ANKH: variants seen among roughly 807,000 people sequenced by gnomAD.
ANKH encodes ANKH inorganic pyrophosphate transport regulator.
ANKH carries 15 observed loss-of-function variants against 49.0 expected under a neutral mutation model. The observed-to-expected ratio is 0.31, with a 90% CI of 0.20 to 0.47. ANKH has a LOEUF of 0.47. ANKH is among the 20% of genes least tolerant of loss of function. The pLI is 1.00. For synonymous variants in ANKH, 273 were observed against 260.0 expected (o/e 1.05, Z -0.48); for missense variants, 429 against 652.0 (o/e 0.66, Z 3.72).
At chr5:14,760,024 G>A (rs1204707875) in intron 2 of ANKH, among the ~76,000 whole-genome samples, 3 of 152,176 alleles carry the variant, frequency 2.0e-5, no homozygotes, top group Non-Finnish European at 2.9e-5. Flanking sequence ...AAGCTGGAAT[G>A]ACTACGATCT....
intron 1 of ANKH, among the ~76,000 whole-genome samples, chr5:14,854,591 A>T (rs1742204841): frequency 6.6e-6 from 1 of 152,126 alleles, no homozygotes; most frequent in Non-Finnish European, 1.5e-5. Context: ...GGTCCCAGCT[A>T]CTCTGGAGGC....
At chr5:14,712,851 G>T (rs1737281342) in intron 11 of ANKH, 23 bp downstream of exon 11, 6 of 1,578,642 alleles carry the variant, frequency 3.8e-6, no homozygotes, top group Non-Finnish European at 4.3e-6. Context: ...CCCGGGAGGA[G>T]GCTCCCGGCG....
In ANKH at chr5:14,745,591, C is replaced by T. The variant is rs937070098; in HGVS notation, c.915+279G>A. Among the ~76,000 whole-genome samples the T allele has an allele frequency of 6.6e-6, 1 of 152,236 alleles. No homozygotes were observed. The highest frequency in any genetic ancestry group is 1.5e-5 in the Non-Finnish European group (1 of 68,046). The stretch of plus-strand genomic sequence containing the variant: ...ATTGATTTTGGGGGAAGTTTATTTT[C>T]CCTTTCGCAAACAAATCATTTCTCA... On this transcript the variant is annotated intron_variant, in intron 7 of 11. Coordinates refer to ENST00000284268, the MANE Select transcript of ANKH (RefSeq NM_054027.6). This position sits in a 1 kb window ranked among gnomAD's most constrained non-coding sequence, Gnocchi z 4.7.
At chr5:14,840,109 T>C (rs1741776066) in intron 1 of ANKH, among the ~76,000 whole-genome samples, 1 of 152,202 alleles carries the variant, frequency 6.6e-6, no homozygotes, top group Non-Finnish European at 1.5e-5. Context: ...GCTCTTGCCT[T>C]ATAAAGGATG....
intron 1 of ANKH, among the ~76,000 whole-genome samples, chr5:14,788,885 G>A (rs961516106): frequency 1.3e-5 from 2 of 152,200 alleles, no homozygotes; most frequent in African/African-American, 4.8e-5. Context: ...AAAGAAAAAG[G>A]TGCTTCACAT....
At chr5:14,823,180 T>C (rs1014697297) in intron 1 of ANKH, among the ~76,000 whole-genome samples, 10 of 152,218 alleles carry the variant, frequency 6.6e-5, no homozygotes, top group Admixed American at 2.6e-4. Flanking sequence ...ATGGGAAAAG[T>C]GTGAACTTCA....
chr5:14,750,793 C>T (rs1253878327), intron 5 of ANKH, among the ~76,000 whole-genome samples: 4 of 152,162 alleles, frequency 2.6e-5, no homozygotes, highest in Admixed American at 2.6e-4. Context: ...CCATGAATGT[C>T]GTATCTATTC....
chr5:14,711,860 C>T (rs1737223020), intron 11 of ANKH, among the ~76,000 whole-genome samples: 1 of 151,960 alleles, frequency 6.6e-6, no homozygotes, highest in Non-Finnish European at 1.5e-5. Flanking sequence ...CAGCCCCAGC[C>T]CCACCTCAGC....
At chr5:14,727,160 C>T (rs758530194) in intron 8 of ANKH, among the ~76,000 whole-genome samples, 13 of 152,048 alleles carry the variant, frequency 8.5e-5, no homozygotes, top group Non-Finnish European at 1.6e-4. Flanking sequence ...AGAAACAGAG[C>T]TTGGTTTTCT....
intron 1 of ANKH, among the ~76,000 whole-genome samples, chr5:14,815,550 G>A (rs1456850323): frequency 2.0e-5 from 3 of 152,126 alleles, no homozygotes; most frequent in Non-Finnish European, 4.4e-5. Context: ...GGTTTCCAGG[G>A]AACCCCATGG....
intron 1 of ANKH, chr5:14,797,881 G>A (rs559664884): frequency 2.1e-5 from 34 of 1,612,020 alleles, no homozygotes; most frequent in Middle Eastern, 2.0e-4. Flanking sequence ...TGATGTCCAC[G>A]GAGACGCAAG....
chr5:14,815,134 T>C (rs954552827), intron 1 of ANKH, among the ~76,000 whole-genome samples: 1 of 152,166 alleles, frequency 6.6e-6, no homozygotes, highest in African/African-American at 2.4e-5. Flanking sequence ...GTCTGTGGCT[T>C]TCTAGAAAAG....
In ANKH at chr5:14,860,237, C is replaced by T. The variant is rs796984071; in HGVS notation, c.96+11115G>A. 9.2e-5 allele frequency among the ~76,000 whole-genome samples: 14 copies of T among 152,222 alleles called. No individual in the cohort carries two copies. In the South Asian group the frequency reaches 1.9e-3, roughly 20 times the overall value. Reference sequence around the variant, plus strand: ...CAGAAGGCGGTGAGGGAGGGACATTCGAACACAGAAACCTGCAGAGGAGGA... The same window carrying T: ...CAGAAGGCGGTGAGGGAGGGACATTTGAACACAGAAACCTGCAGAGGAGGA... On this transcript the variant is annotated intron_variant, in intron 1 of 11. Transcript: ENST00000284268.
intron 1 of ANKH, among the ~76,000 whole-genome samples, chr5:14,826,845 C>A: frequency 6.6e-6 from 1 of 152,204 alleles, no homozygotes; most frequent in South Asian, 2.1e-4. Flanking sequence ...CATCCATGTT[C>A]TTTTCTGCTT....
intron 8 of ANKH, among the ~76,000 whole-genome samples, chr5:14,720,367 G>A (rs574582102): frequency 1.3e-5 from 2 of 152,290 alleles, no homozygotes; most frequent in South Asian, 4.2e-4. Flanking sequence ...TGGACAAGTG[G>A]CCCTGTCATC....
intron 1 of ANKH, among the ~76,000 whole-genome samples, 179 bp from the exon 2 acceptor site, chr5:14,769,370 CAGTTTG>C (rs1739354006): frequency 6.6e-6 from 1 of 152,098 alleles, no homozygotes; most frequent in African/African-American, 2.4e-5. Flanking sequence ...ACATCAGCTT[CAGTTTG>C]AGTTTCTTTT....
At chr5:14,804,716 G>T (rs1740654735) in intron 1 of ANKH, among the ~76,000 whole-genome samples, 1 of 152,184 alleles carries the variant, frequency 6.6e-6, no homozygotes, top group Non-Finnish European at 1.5e-5. Flanking sequence ...TTGAGGAAAT[G>T]GATACTTTCT....
intron 1 of ANKH, among the ~76,000 whole-genome samples, chr5:14,816,172 T>C (rs1321121401): frequency 1.3e-5 from 2 of 152,232 alleles, no homozygotes; most frequent in African/African-American, 4.8e-5. Context: ...AACATTTTTC[T>C]TTAATTTGTT....
intron 1 of ANKH, among the ~76,000 whole-genome samples, chr5:14,832,400 T>G (rs1336368989): frequency 6.6e-6 from 1 of 152,122 alleles, no homozygotes; most frequent in Non-Finnish European, 1.5e-5. Flanking sequence ...TTAAAAAACA[T>G]TTCTGGATTA....
Sources: gnomAD v4.1 joint callset for allele counts (sites outside exome capture counted in the v4.1 genomes callset) on GRCh38, gnomAD v4.1.1 for gene constraint, Gnocchi (gnomAD v3.1) non-coding constraint, MANE v1.5 for transcripts, NCBI Gene and HGNC (gene_info 2026-07-23, HGNC 2026-07-21) for gene names.